Variants in FANCM observed in about 807,000 individuals in gnomAD.
The protein encoded by FANCM is Fanconi anemia group M protein.
In FANCM, 140 loss-of-function variants were observed where a neutral mutation model predicts 199.5. The ratio of observed to expected loss-of-function variants is 0.70; its 90% CI spans 0.61 to 0.81. The LOEUF is 0.81. Among genes scored for constraint, FANCM ranks in the 30% least tolerant of loss-of-function variants. The pLI is 0.00. For synonymous variants in FANCM, 840 were observed against 836.8 expected (o/e 1.00, Z -0.07); for missense variants, 2,410 against 2,421.4 (o/e 1.00, Z 0.10).
chr14:45,138,913 A>G (rs1885719247), intron 2 of FANCM, among the ~76,000 whole-genome samples: 1 of 152,242 alleles, frequency 6.6e-6, no homozygotes, highest in South Asian at 2.1e-4. Context: ...CGTGAAAAGA[A>G]GTAATGTATT....
At chr14:45,153,840 C>CT in intron 5 of FANCM, 80 bp from the exon 6 acceptor site, 1 of 1,057,250 alleles carries the variant, frequency 9.5e-7, no homozygotes, top group Non-Finnish European at 1.5e-6. Context: ...GTTACACTGA[C>CT]TATGGCCTGA....
chr14:45,138,722 A>AT (rs911569411), intron 2 of FANCM, among the ~76,000 whole-genome samples: 7 of 151,876 alleles, frequency 4.6e-5, no homozygotes, highest in South Asian at 2.1e-4. Context: ...TAGGCATTAG[A>AT]TTTTTTTTTA....
intron 16 of FANCM, among the ~76,000 whole-genome samples, 167 bp downstream of exon 16, chr14:45,181,872 T>A (rs1889095652): frequency 6.6e-6 from 1 of 152,220 alleles, no homozygotes; most frequent in Admixed American, 6.5e-5. Context: ...TTCAAAGATG[T>A]ATTCACTGTA....
At chr14:45,177,448 A>G (rs1332050965) in intron 14 of FANCM, among the ~76,000 whole-genome samples, 1 of 151,902 alleles carries the variant, frequency 6.6e-6, no homozygotes, top group Non-Finnish European at 1.5e-5. Flanking sequence ...CTGGAGTGCA[A>G]TGGCATGGTC....
intron 9 of FANCM, among the ~76,000 whole-genome samples, chr14:45,161,459 G>A (rs2139195194): frequency 1.3e-5 from 2 of 152,238 alleles, no homozygotes; most frequent in South Asian, 2.1e-4. Flanking sequence ...GTTTGGGGCA[G>A]AGGATGGTCT....
At chr14:45,136,994 GA>G in intron 1 of FANCM, 74 bp from the exon 2 acceptor site, 2 of 1,154,208 alleles carry the variant, frequency 1.7e-6, no homozygotes, top group South Asian at 1.2e-5. Flanking sequence ...TTTGCATTCT[GA>G]AAAAGCCAGA....
chr14:45,200,002 T>C lies in FANCM; in HGVS notation c.6141T>C (p.Asp2047=), dbSNP rs8018014. Residue 2047 remains aspartate (D), a synonymous_variant, in exon 23 of 23, where the codon GAT becomes GAC. Transcript: ENST00000267430. ...TTAACCAAGATAGACTGAAATCTGA[T>C]ATATAATCAAGCTGCTCAAGATGGG... ...NDLNQDRLKS[D]I 26,848 of 1,606,780 alleles carry C rather than the reference T, an allele frequency of 0.017. 396 individuals are homozygous for C. Among genetic ancestry groups the C allele is most frequent in the African/African-American group, 0.072 (5,372 of 74,776 alleles).
At chr14:45,190,398 A>G (rs1158826074) in intron 20 of FANCM, among the ~76,000 whole-genome samples, 1 of 152,222 alleles carries the variant, frequency 6.6e-6, no homozygotes, top group Non-Finnish European at 1.5e-5. Flanking sequence ...ACATTGTGGA[A>G]TGGCTAGATC....
chr14:45,158,422 A>AC (rs1887348316), intron 8 of FANCM, among the ~76,000 whole-genome samples: 1 of 126,628 alleles, frequency 7.9e-6, no homozygotes, highest in Non-Finnish European at 1.7e-5. Flanking sequence ...ACTGCCCGCC[A>AC]CCCCCCTACC....
chr14:45,140,880 A>C (rs950619598), intron 3 of FANCM, among the ~76,000 whole-genome samples, 171 bp downstream of exon 3: 1 of 152,162 alleles, frequency 6.6e-6, no homozygotes, highest in African/African-American at 2.4e-5. Flanking sequence ...TCTCTACAAA[A>C]AATTAAAAAA....
chr14:45,181,551 A>G (rs1488917043), intron 15 of FANCM, 27 bp downstream of exon 15: 3 of 1,527,800 alleles, frequency 2.0e-6, no homozygotes, highest in Non-Finnish European at 1.8e-6. Flanking sequence ...TCACAATAGT[A>G]TAATCATATC....
intron 11 of FANCM, among the ~76,000 whole-genome samples, 165 bp from the exon 12 acceptor site, chr14:45,170,424 G>T (rs1163034773): frequency 1.3e-5 from 2 of 152,188 alleles, no homozygotes; most frequent in African/African-American, 4.8e-5. Context: ...TCCTGTGGAG[G>T]CTGAGGCAGG....
At position 45,170,731 on chromosome 14, in the gene FANCM, TGA is replaced by T. The variant is rs771883030; in HGVS notation, c.2147_2148del (p.Glu716GlyfsTer19). The stretch of plus-strand genomic sequence containing the variant: ...AAGTTCAGTTTTCTTCTTTACAAAA[TGA>T]GGAAAACAAACCAGTAAGTTGAATA... ...PQVQFSSLQN[E>X]ENKPAQESTT... On this transcript the variant is annotated frameshift_variant, in exon 12 of 23. Coordinates refer to ENST00000267430, the MANE Select transcript of FANCM (RefSeq NM_020937.4). LOFTEE classifies it high-confidence loss of function. 1 of 1,611,626 alleles carries T rather than the reference TGA, an allele frequency of 6.2e-7. No individual in the cohort carries two copies. Among genetic ancestry groups the T allele is most frequent in the East Asian group, 2.2e-5 (1 of 44,776 alleles).
intron 4 of FANCM, among the ~76,000 whole-genome samples, chr14:45,150,779 T>A (rs1320409018): frequency 2.0e-5 from 3 of 152,242 alleles, no homozygotes; most frequent in Non-Finnish European, 4.4e-5. Context: ...ATGAAAATGA[T>A]CTACTTTCTT....
intron 12 of FANCM, among the ~76,000 whole-genome samples, chr14:45,171,933 G>A (rs552979031): frequency 9.9e-5 from 15 of 152,120 alleles, no homozygotes; most frequent in Non-Finnish European, 1.3e-4. Flanking sequence ...AGGAATCTCC[G>A]TATTGTATTG....
intron 13 of FANCM, among the ~76,000 whole-genome samples, chr14:45,173,864 C>A (rs757447764): frequency 6.6e-6 from 1 of 152,100 alleles, no homozygotes; most frequent in Non-Finnish European, 1.5e-5. Flanking sequence ...TTATTATTAG[C>A]CTTTGATCAT....
chr14:45,136,714 G>C (rs1885540511), intron 1 of FANCM, among the ~76,000 whole-genome samples, 175 bp downstream of exon 1: 1 of 152,212 alleles, frequency 6.6e-6, no homozygotes, highest in Non-Finnish European at 1.5e-5. Flanking sequence ...GAGAATATCT[G>C]CAGCTTGTCA....
intron 20 of FANCM, among the ~76,000 whole-genome samples, chr14:45,192,602 C>T (rs113664342): frequency 6.6e-6 from 1 of 152,028 alleles, no homozygotes; most frequent in Non-Finnish European, 1.5e-5. Flanking sequence ...AAGATTGCGC[C>T]ACTGCACTCC....
chr14:45,136,178 G>A lies in FANCM; in HGVS notation c.147G>A (p.Gln49=), dbSNP rs1250039443. The A allele has an allele frequency of 6.2e-7, 1 of 1,614,224 alleles. No individual in the cohort carries two copies. Among genetic ancestry groups the A allele is most frequent in the Non-Finnish European group, 8.5e-7 (1 of 1,180,042 alleles). The part of the protein sequence containing the change: ...KAPLPAAAEA[Q]LESDDDVLLV... The stretch of plus-strand genomic sequence containing the variant: ...CTTTGCCAGCAGCAGCGGAGGCTCA[G>A]CTGGAGTCGGACGATGATGTGTTGC... The change falls in exon 1 of 23, where the codon CAG becomes CAA. Residue 49 remains glutamine, a synonymous_variant. Transcript: ENST00000267430.
Sources: gnomAD v4.1 joint callset for allele counts (sites outside exome capture counted in the v4.1 genomes callset) on GRCh38, gnomAD v4.1.1 for gene constraint, MANE v1.5 for transcripts, NCBI Gene and HGNC (gene_info 2026-07-23, HGNC 2026-07-21) for gene names.